MAGI1: variants seen among roughly 807,000 people sequenced by gnomAD.
The protein encoded by MAGI1 is membrane-associated guanylate kinase, WW and PDZ domain-containing protein 1.
A neutral mutation model predicts 139.9 loss-of-function variants in MAGI1; 58 were observed. The ratio of observed to expected loss-of-function variants is 0.41; its 90% CI spans 0.34 to 0.52. MAGI1 has a LOEUF of 0.52. MAGI1 is among the 20% of genes least tolerant of loss of function. The pLI, the probability that MAGI1 is intolerant of heterozygous loss-of-function variation, is 0.12. For missense variants in MAGI1, 1,874 were observed against 1,901.6 expected, an observed-to-expected ratio of 0.99 and a Z score of 0.27; for synonymous variants, 812 against 737.9, an observed-to-expected ratio of 1.10 and a Z score of -1.63.
At chr3:65,408,329 A>T (rs926449409) in intron 12 of MAGI1, among the ~76,000 whole-genome samples, 12 of 152,208 alleles carry the variant, frequency 7.9e-5, no homozygotes, top group African/African-American at 2.7e-4. Flanking sequence ...TTTAAAAGAC[A>T]CATCTGAAAA....
chr3:65,961,566 C>T (rs561503830), intron 1 of MAGI1, among the ~76,000 whole-genome samples: 1 of 152,284 alleles, frequency 6.6e-6, no homozygotes, highest in African/African-American at 2.4e-5. Flanking sequence ...CTTAAATATG[C>T]TATGCAGGGT....
Position 65,430,111 on chromosome 3 carries a change from A to T in MAGI1, c.1576T>A (p.Cys526Ser). The stretch of plus-strand genomic sequence containing the variant: ...TGAGCATGTGTGTGTCCCAAAACAC[A>T]GGTGTCATTCACACTTACAATCACA... ...GDVIVSVNDT[C>S]VLGHTHAQVV... Residue 526 changes from cysteine to serine, a missense_variant, in exon 12 of 23, where the codon TGT (cysteine) becomes AGT (serine). Cys to Ser is a moderately radical substitution (Grantham distance 112). Around this residue, in one of 5 missense-constraint regions of MAGI1, gnomAD observed 86 missense variants for 130.0 expected, o/e 0.66. Coordinates refer to ENST00000402939, the MANE Select transcript of MAGI1 (RefSeq NM_001033057.2). 6.2e-7 allele frequency: 1 copy of T among 1,613,624 alleles called. No individual in the cohort carries two copies. Among genetic ancestry groups the T allele is most frequent in the Non-Finnish European group, 8.5e-7 (1 of 1,179,698 alleles).
At chr3:65,606,871 T>C (rs933433308) in intron 2 of MAGI1, among the ~76,000 whole-genome samples, 5 of 151,938 alleles carry the variant, frequency 3.3e-5, no homozygotes, top group Admixed American at 2.0e-4. Context: ...TTGCTTAGGC[T>C]GGTCTCAAAC....
At chr3:65,495,420 T>C (rs1176668181) in intron 2 of MAGI1, among the ~76,000 whole-genome samples, 1 of 152,196 alleles carries the variant, frequency 6.6e-6, no homozygotes, top group Admixed American at 6.6e-5. Flanking sequence ...AATAATCTGT[T>C]ATTATATACA....
intron 2 of MAGI1, among the ~76,000 whole-genome samples, chr3:65,590,307 C>T (rs1461013459): frequency 6.6e-6 from 1 of 152,150 alleles, no homozygotes; most frequent in Non-Finnish European, 1.5e-5. Context: ...ATCTTTGTAT[C>T]TTTAACACCC....
chr3:65,406,973 C>A lies in MAGI1; in HGVS notation c.2168-5503G>T, dbSNP rs1945388840. On this transcript the variant is annotated intron_variant, in intron 12 of 22. Transcript: ENST00000402939. ...TACTTCTGAGCACAATCTCAGACCA[C>A]ATGAGCCTTCTCTGTTATTCGAAAA... Among the ~76,000 whole-genome samples, 3 of 152,268 alleles carry A rather than the reference C, an allele frequency of 2.0e-5. No homozygotes were observed. In the South Asian group the frequency reaches 6.2e-4, roughly 32 times the overall value.
At chr3:65,946,055 A>C (rs1189886600) in intron 1 of MAGI1, among the ~76,000 whole-genome samples, 3 of 152,224 alleles carry the variant, frequency 2.0e-5, no homozygotes, top group African/African-American at 7.2e-5. Context: ...CTTAAGAGGA[A>C]ATGCACCTTA....
intron 2 of MAGI1, among the ~76,000 whole-genome samples, chr3:65,616,617 C>CT (rs2106998174): frequency 6.6e-6 from 1 of 152,288 alleles, no homozygotes; most frequent in East Asian, 1.9e-4. Context: ...TAAAGCAATC[C>CT]TTTTAGACAG....
At chr3:65,929,213 T>A (rs929258668) in intron 1 of MAGI1, among the ~76,000 whole-genome samples, 1 of 152,142 alleles carries the variant, frequency 6.6e-6, no homozygotes, top group Non-Finnish European at 1.5e-5. Flanking sequence ...AGCACCCCTG[T>A]TTGGGACAAC....
At chr3:65,431,563 T>C (rs925576359) in intron 10 of MAGI1, among the ~76,000 whole-genome samples, 1 of 152,106 alleles carries the variant, frequency 6.6e-6, no homozygotes, top group Non-Finnish European at 1.5e-5. Flanking sequence ...AAGTTTAGGA[T>C]ATTTGTTTAA....
At chr3:65,593,799 A>C (rs965356949) in intron 2 of MAGI1, among the ~76,000 whole-genome samples, 1 of 152,242 alleles carries the variant, frequency 6.6e-6, no homozygotes, top group Non-Finnish European at 1.5e-5. Flanking sequence ...ATCTCATTAT[A>C]TGGATATAGT....
intron 2 of MAGI1, among the ~76,000 whole-genome samples, chr3:65,530,778 C>CAT (rs1241082949): frequency 1.6e-4 from 11 of 70,142 alleles, no homozygotes; most frequent in African/African-American, 7.4e-4. Flanking sequence ...TATATACACA[C>CAT]ATATATATAC....
intron 1 of MAGI1, among the ~76,000 whole-genome samples, chr3:66,028,251 G>A (rs1031968430): frequency 3.9e-5 from 6 of 152,198 alleles, no homozygotes; most frequent in African/African-American, 1.4e-4. Context: ...GCAGTGAGCT[G>A]AGATCAAGAA....
chr3:65,914,860 A>T (rs1305785353), intron 1 of MAGI1, among the ~76,000 whole-genome samples: 1 of 152,160 alleles, frequency 6.6e-6, no homozygotes, highest in Admixed American at 6.5e-5. Flanking sequence ...CTCGGGTAAG[A>T]TATGTTACTT....
chr3:65,697,072 A>T (rs2089262739), intron 1 of MAGI1, among the ~76,000 whole-genome samples: 1 of 152,186 alleles, frequency 6.6e-6, no homozygotes, highest in Non-Finnish European at 1.5e-5. Flanking sequence ...AATACAAACT[A>T]CCATCAGAGA....
intron 1 of MAGI1, among the ~76,000 whole-genome samples, chr3:65,810,380 T>C (rs1168404134): frequency 6.6e-6 from 1 of 152,266 alleles, no homozygotes; most frequent in Non-Finnish European, 1.5e-5. Context: ...GTAATGCCTC[T>C]ACCCAGAAAA....
At chr3:65,899,634 C>T (rs1037188004) in intron 1 of MAGI1, among the ~76,000 whole-genome samples, 9 of 152,226 alleles carry the variant, frequency 5.9e-5, no homozygotes, top group Non-Finnish European at 1.3e-4. Flanking sequence ...GAAAGAACAA[C>T]TATGACCTAT....
At position 65,354,365 on chromosome 3, in the gene MAGI1, C is replaced by A. The variant is rs114100933; in HGVS notation, c.*2013G>T. 2 of 152,632 alleles carry A rather than the reference C, an allele frequency of 1.3e-5. No individual in the cohort carries two copies. The highest frequency in any genetic ancestry group is 1.9e-4 in the East Asian group (1 of 5,200). 9.5% of individuals were successfully genotyped at this position (152,632 alleles called of 1,614,324 possible). A position where few individuals can be genotyped will look rare whatever the true frequency, so the allele number is the denominator to read the frequency against. On this transcript the variant is annotated 3_prime_UTR_variant, in exon 23 of 23. Coordinates refer to ENST00000402939, the MANE Select transcript of MAGI1 (RefSeq NM_001033057.2). Reference sequence around the variant, plus strand: ...GGAACTTGTTTTATAAATGTCCACACAACTACAGCTACTCATTCTAATGTT... The same window carrying A: ...GGAACTTGTTTTATAAATGTCCACAAAACTACAGCTACTCATTCTAATGTT...
chr3:65,692,051 G>T (rs545995067), intron 1 of MAGI1, among the ~76,000 whole-genome samples: 3 of 152,018 alleles, frequency 2.0e-5, no homozygotes, highest in Admixed American at 6.6e-5. Context: ...TGAATTACAT[G>T]ACTCTAACAC....
Sources: allele counts gnomAD v4.1 joint callset (sites outside exome capture counted in the v4.1 genomes callset), GRCh38; gene constraint gnomAD v4.1.1; regional missense constraint gnomAD v4.1.1; transcripts MANE v1.5; gene names NCBI Gene and HGNC (gene_info 2026-07-23, HGNC 2026-07-21).